The following EFR3B variants were observed in gnomAD, a reference collection of about 807,000 sequenced individuals.
EFR3B encodes EFR3 homolog B.
Under a neutral mutation model 104.7 loss-of-function variants are expected in EFR3B, and 64 were observed. The ratio of observed to expected loss-of-function variants is 0.61; its 90% confidence interval spans 0.50 to 0.75. The LOEUF (loss-of-function observed/expected upper bound fraction) is 0.75, where lower values mean the gene tolerates loss of function less well. EFR3B is among the 30% of genes least tolerant of loss of function. The pLI, the probability that EFR3B is intolerant of heterozygous loss-of-function variation, is 0.00. For missense variants in EFR3B, 750 were observed against 1,078.5 expected (o/e 0.70, Z 4.27); for synonymous variants, 385 against 417.9 (o/e 0.92, Z 0.96).
chr2:25,136,614 C>T lies in EFR3B; in HGVS notation c.1560+16C>T, dbSNP rs1313984902. On this transcript the variant is annotated intron_variant, in intron 14 of 22. Coordinates refer to ENST00000403714, the MANE Select transcript of EFR3B (RefSeq NM_014971.2). The surrounding 1 kb of genome is among the most constrained non-coding windows in gnomAD (Gnocchi z 4.0). The stretch of plus-strand genomic sequence containing the variant: ...CATGAAGAAGGTAAACAAGCATGAC[C>T]TCCAGGCACAGTGAAGGGCGGGCAC... 6.5e-7 allele frequency: 1 copy of T among 1,549,794 alleles called. No homozygotes were observed. The highest frequency in any genetic ancestry group is 8.7e-7 in the Non-Finnish European group (1 of 1,145,880).
At chr2:25,113,423 C>T (rs941431290) in intron 4 of EFR3B, among the ~76,000 whole-genome samples, 18 of 152,118 alleles carry the variant, frequency 1.2e-4, no homozygotes, top group South Asian at 2.1e-4. Flanking sequence ...CGGGGGCTCA[C>T]GCCTGTAATC....
intron 4 of EFR3B, among the ~76,000 whole-genome samples, chr2:25,117,033 T>C (rs1286075579): frequency 6.6e-6 from 1 of 152,148 alleles, no homozygotes; most frequent in African/African-American, 2.4e-5. Context: ...GTGACTTGAC[T>C]GGCCTCAGTC....
chr2:25,112,697 T>G (rs1025420292), intron 4 of EFR3B, among the ~76,000 whole-genome samples: 1 of 152,240 alleles, frequency 6.6e-6, no homozygotes, highest in Non-Finnish European at 1.5e-5. Context: ...GGCAATGTTC[T>G]TTGGTGCTGA....
chr2:25,149,099 C>T (rs975694023), intron 19 of EFR3B, among the ~76,000 whole-genome samples: 1 of 151,964 alleles, frequency 6.6e-6, no homozygotes, highest in East Asian at 1.9e-4. Context: ...ACCTATAATC[C>T]CAGCACTTTG....
Position 25,131,670 on chromosome 2 carries a change from C to T in EFR3B, c.986-80C>T. 6.8e-7 allele frequency: 1 copy of T among 1,480,572 alleles called. No homozygotes were observed. The highest frequency in any genetic ancestry group is 9.0e-7 in the Non-Finnish European group (1 of 1,110,240). 91.7% of individuals were successfully genotyped at this position (1,480,572 alleles called of 1,614,324 possible). Reference sequence around the variant, plus strand: ...AAGCCCAGGCTGGAAGGGGGCGTGACCCTGCCCTGCCTGCGCGCGGTGCAC... The same window carrying T: ...AAGCCCAGGCTGGAAGGGGGCGTGATCCTGCCCTGCCTGCGCGCGGTGCAC... On this transcript the variant is annotated intron_variant, in intron 9 of 22. Transcript: ENST00000403714. The surrounding 1 kb of genome is among the most constrained non-coding windows in gnomAD (Gnocchi z 7.6).
chr2:25,109,342 A>G (rs1669656190), intron 4 of EFR3B, among the ~76,000 whole-genome samples: 2 of 152,250 alleles, frequency 1.3e-5, no homozygotes, highest in South Asian at 2.1e-4. Context: ...TAAGATGGCA[A>G]TTAAAAACAC....
At chr2:25,050,421 T>A (rs962195853) in intron 1 of EFR3B, among the ~76,000 whole-genome samples, 1 of 152,112 alleles carries the variant, frequency 6.6e-6, no homozygotes, top group Non-Finnish European at 1.5e-5. Flanking sequence ...GGCTCCTTTT[T>A]AAAAAAAGCT....
intron 1 of EFR3B, among the ~76,000 whole-genome samples, chr2:25,064,380 T>C (rs1668276598): frequency 6.6e-6 from 1 of 152,228 alleles, no homozygotes; most frequent in Admixed American, 6.5e-5. Flanking sequence ...AAATAAAGCT[T>C]CCTCTGTTAC....
chr2:25,080,244 A>G (rs965597187), intron 1 of EFR3B: 119 of 1,291,696 alleles, frequency 9.2e-5, no homozygotes, highest in Non-Finnish European at 1.2e-4. Context: ...TAGCACCACC[A>G]CCAACATCAA....
chr2:25,093,651 A>C (rs140902487), intron 3 of EFR3B, among the ~76,000 whole-genome samples: 1 of 152,134 alleles, frequency 6.6e-6, no homozygotes, highest in Non-Finnish European at 1.5e-5. Context: ...GCTTCCTACA[A>C]GCACCTCTTC....
intron 1 of EFR3B, among the ~76,000 whole-genome samples, chr2:25,059,518 T>A (rs1307632904): frequency 7.3e-6 from 1 of 137,310 alleles, no homozygotes; most frequent in Admixed American, 8.8e-5. Flanking sequence ...ATGAGGAAGC[T>A]ACAGTAGTCA....
chr2:25,120,521 G>A (rs1669983621), intron 4 of EFR3B, among the ~76,000 whole-genome samples: 1 of 152,098 alleles, frequency 6.6e-6, no homozygotes, highest in African/African-American at 2.4e-5. Context: ...GCACGCATCT[G>A]TAGTCCCAGC....
intron 1 of EFR3B, among the ~76,000 whole-genome samples, chr2:25,086,695 T>C (rs1668959221): frequency 6.6e-6 from 1 of 152,102 alleles, no homozygotes; most frequent in Non-Finnish European, 1.5e-5. Context: ...TGGGTTCAAG[T>C]GATTCTGTTA....
chr2:25,060,128 G>A (rs370860051), intron 1 of EFR3B, among the ~76,000 whole-genome samples: 29 of 151,976 alleles, frequency 1.9e-4, no homozygotes, highest in African/African-American at 6.0e-4. Context: ...CCTGGGAGGC[G>A]GAGGTTGCAG....
rs2149216296 is a variant in EFR3B, at chr2:25,155,066, T to C, written c.*726T>C. ...CTCCTTTGTTCATAAGGAGCTTGTG[T>C]TGGCCTCCCACAGTCCTGTCTGCTG... is the stretch of plus-strand genomic sequence containing the variant. On this transcript the variant is annotated 3_prime_UTR_variant, in exon 23 of 23. Transcript: ENST00000403714. The C allele has an allele frequency of 6.6e-6, 1 of 152,414 alleles. No homozygotes were observed. The highest frequency in any genetic ancestry group is 1.9e-4 in the East Asian group (1 of 5,180). 9.4% of individuals were successfully genotyped at this position (152,414 alleles called of 1,614,324 possible). A position where few individuals can be genotyped will look rare whatever the true frequency, so the allele number is the denominator to read the frequency against.
At chr2:25,071,080 C>T (rs540763987) in intron 1 of EFR3B, among the ~76,000 whole-genome samples, 59 of 152,038 alleles carry the variant, frequency 3.9e-4, no homozygotes, top group African/African-American at 1.2e-3. Flanking sequence ...CCTGCCTCAG[C>T]CTCCCAAGTA....
rs1403765173 is a variant in EFR3B at position 25,154,326 on chromosome 2, C to T, written c.2440C>T (p.Leu814=). The T allele has an allele frequency of 6.4e-7, 1 of 1,552,064 alleles. No homozygotes were observed. The highest frequency in any genetic ancestry group is 1.4e-5 in the African/African-American group (1 of 73,046). ...CGTCTATGAAATGAAGTTTCCCGAT[C>T]TGTGTGTATACTGAATTCCAAGAGC... is the stretch of plus-strand genomic sequence containing the variant. The part of the protein sequence containing the change: ...IPVYEMKFPD[L]CVY The change falls in exon 23 of 23, where the codon CTG becomes TTG. Residue 814 remains leucine, a synonymous_variant. Coordinates refer to ENST00000403714, the MANE Select transcript of EFR3B (RefSeq NM_014971.2). The surrounding 1 kb of genome is among the most constrained non-coding windows in gnomAD (Gnocchi z 4.1).
At chr2:25,139,643 G>A (rs1019314004) in intron 16 of EFR3B, among the ~76,000 whole-genome samples, 1 of 151,908 alleles carries the variant, frequency 6.6e-6, no homozygotes, top group Non-Finnish European at 1.5e-5. Context: ...GTAGAATGGT[G>A]AATGAACATC....
At chr2:25,076,093 T>A (rs1327306675) in intron 1 of EFR3B, among the ~76,000 whole-genome samples, 1 of 152,094 alleles carries the variant, frequency 6.6e-6, no homozygotes, top group Non-Finnish European at 1.5e-5. Context: ...AGGTCTCACT[T>A]TGTTGCCCTG....
Sources: gnomAD v4.1 joint callset for allele counts (sites outside exome capture counted in the v4.1 genomes callset) on GRCh38, gnomAD v4.1.1 for gene constraint, Gnocchi (gnomAD v3.1) non-coding constraint, MANE v1.5 for transcripts, NCBI Gene and HGNC (gene_info 2026-07-23, HGNC 2026-07-21) for gene names.